PTPRN2: variants seen among roughly 807,000 people sequenced by gnomAD.
PTPRN2 encodes the protein protein tyrosine phosphatase receptor type N2, also known as receptor-type tyrosine-protein phosphatase N2.
Under a neutral mutation model 118.8 loss-of-function variants are expected in PTPRN2, and 74 were observed. That is an observed-to-expected ratio of 0.62 (90% CI 0.52 to 0.76). PTPRN2 has a LOEUF of 0.76. PTPRN2 is among the 30% of genes least tolerant of loss of function. PTPRN2 has a pLI of 0.00. For missense variants in PTPRN2, 1,481 were observed against 1,394.4 expected, an observed-to-expected ratio of 1.06 and a Z score of -0.99; for synonymous variants, 641 against 608.0, an observed-to-expected ratio of 1.05 and a Z score of -0.80.
At chr7:157,996,859 C>T (rs1333314116) in intron 11 of PTPRN2, among the ~76,000 whole-genome samples, 1 of 152,214 alleles carries the variant, frequency 6.6e-6, no homozygotes. Flanking sequence ...TGACCTGAGC[C>T]ATCTTCCCCC....
intron 3 of PTPRN2, among the ~76,000 whole-genome samples, chr7:158,211,216 C>T (rs998840262): frequency 2.0e-5 from 3 of 152,046 alleles, no homozygotes; most frequent in South Asian, 2.1e-4. Context: ...AACTATGAAA[C>T]GACTAAAAGA....
At chr7:157,644,133 C>T (rs772173852) in intron 14 of PTPRN2, among the ~76,000 whole-genome samples, 1 of 152,184 alleles carries the variant, frequency 6.6e-6, no homozygotes, top group African/African-American at 2.4e-5. Context: ...ACCTCATTTG[C>T]AGGTGGGGCC....
intron 3 of PTPRN2, among the ~76,000 whole-genome samples, chr7:158,268,724 A>C (rs561620774): frequency 3.6e-4 from 29 of 80,250 alleles, no homozygotes; most frequent in African/African-American, 1.0e-3. Flanking sequence ...GCACACAGAG[A>C]GGGTGTGAAA....
At chr7:157,916,731 C>T (rs1272504157) in intron 11 of PTPRN2, among the ~76,000 whole-genome samples, 1 of 151,122 alleles carries the variant, frequency 6.6e-6, no homozygotes, top group African/African-American at 2.5e-5. Flanking sequence ...TGAAGGTCCC[C>T]ACCATGGCAG....
intron 5 of PTPRN2, among the ~76,000 whole-genome samples, chr7:158,170,605 C>T (rs958709073): frequency 2.0e-5 from 3 of 152,206 alleles, no homozygotes; most frequent in East Asian, 1.9e-4. Flanking sequence ...TAGCAAACAT[C>T]GGTTTTTGCA....
intron 12 of PTPRN2, among the ~76,000 whole-genome samples, chr7:157,703,011 G>A (rs1007632430): frequency 6.6e-6 from 1 of 152,134 alleles, no homozygotes; most frequent in African/African-American, 2.4e-5. Context: ...TAAGATGAAG[G>A]GGAGAAAAGG....
At chr7:158,516,661 G>C (rs571548504) in intron 1 of PTPRN2, among the ~76,000 whole-genome samples, 2 of 150,930 alleles carry the variant, frequency 1.3e-5, no homozygotes, top group African/African-American at 4.9e-5. Flanking sequence ...TATTGTTCTT[G>C]GTGCTGTTCT....
intron 13 of PTPRN2, among the ~76,000 whole-genome samples, chr7:157,657,426 CG>C (rs1795590762): frequency 2.9e-4 from 14 of 47,478 alleles, no homozygotes; most frequent in Admixed American, 5.3e-4. Context: ...CACACACATA[CG>C]CCACACACAC....
chr7:157,863,361 A>G (rs887968840), intron 12 of PTPRN2: 2 of 152,270 alleles, frequency 1.3e-5, no homozygotes, highest in African/African-American at 4.8e-5. Context: ...CAGAGTGGAG[A>G]CGAGGTCTTC....
intron 1 of PTPRN2, among the ~76,000 whole-genome samples, chr7:158,556,861 C>G (rs1166517366): frequency 1.4e-5 from 2 of 138,792 alleles, no homozygotes; most frequent in Non-Finnish European, 3.1e-5. Flanking sequence ...AGACAGCTCC[C>G]GGGCAGGTCA....
intron 12 of PTPRN2, among the ~76,000 whole-genome samples, chr7:157,803,975 A>G (rs926467659): frequency 3.3e-5 from 5 of 152,256 alleles, no homozygotes; most frequent in Non-Finnish European, 5.9e-5. Context: ...AACATTTTCT[A>G]AAAGTTCCTC....
intron 13 of PTPRN2, among the ~76,000 whole-genome samples, chr7:157,657,426 C>T (rs62648723): frequency 0.28 from 12,933 of 46,566 alleles, 690 homozygotes; most frequent in East Asian, 0.36. Flanking sequence ...CACACACATA[C>T]GCCACACACA....
intron 11 of PTPRN2, among the ~76,000 whole-genome samples, chr7:158,001,306 C>T (rs1585178578): frequency 6.6e-6 from 1 of 150,808 alleles, no homozygotes; most frequent in Non-Finnish European, 1.5e-5. Context: ...CTCCCACAGG[C>T]CTGCTCTTGG....
At chr7:157,797,505 C>T (rs1440489232) in intron 12 of PTPRN2, among the ~76,000 whole-genome samples, 15 of 139,448 alleles carry the variant, frequency 1.1e-4, no homozygotes, top group Admixed American at 1.0e-3. Context: ...GGGTCACAGG[C>T]TGAGGTCGTG....
chr7:157,752,244 G>T (rs116231343), intron 12 of PTPRN2, among the ~76,000 whole-genome samples: 1 of 152,198 alleles, frequency 6.6e-6, no homozygotes, highest in South Asian at 2.1e-4. Context: ...CGGCCATCAC[G>T]GATGTAGCGG....
At chr7:158,488,861 G>C (rs1164152649) in intron 2 of PTPRN2, among the ~76,000 whole-genome samples, 1 of 152,268 alleles carries the variant, frequency 6.6e-6, no homozygotes, top group Non-Finnish European at 1.5e-5. Flanking sequence ...CCCTGACTTG[G>C]AGAAAGGCGG....
intron 11 of PTPRN2, among the ~76,000 whole-genome samples, chr7:158,063,398 C>T (rs1406963399): frequency 6.6e-6 from 1 of 152,152 alleles, no homozygotes; most frequent in Non-Finnish European, 1.5e-5. Flanking sequence ...TCAAAAAAGA[C>T]CAATCAGCTC....
Position 158,127,893 on chromosome 7 carries a change from G to A in PTPRN2, c.1556+5784C>T, listed in dbSNP as rs111643532. On this transcript the variant is annotated intron_variant, in intron 9 of 22. Transcript: ENST00000389418. ...GACTGGGGCGGCTGTCCTGCCCTTC[G>A]TCCAGTCTTCAAGAATCCCTCTAGT... Among the ~76,000 whole-genome samples, 515 of 152,254 alleles carry A rather than the reference G, an allele frequency of 3.4e-3. 5 individuals carry two copies. Among genetic ancestry groups the A allele is most frequent in the African/African-American group, 0.012 (490 of 41,538 alleles).
intron 16 of PTPRN2, among the ~76,000 whole-genome samples, chr7:157,601,642 C>T (rs1801672977): frequency 6.6e-6 from 1 of 152,238 alleles, no homozygotes; most frequent in Non-Finnish European, 1.5e-5. Flanking sequence ...GAAAGCTGTC[C>T]ACCGTTTCCA....
Sources: gnomAD v4.1 joint callset for allele counts (sites outside exome capture counted in the v4.1 genomes callset) on GRCh38, gnomAD v4.1.1 for gene constraint, MANE v1.5 for transcripts, NCBI Gene and HGNC (gene_info 2026-07-23, HGNC 2026-07-21) for gene names.